SCARB2: variants seen among roughly 807,000 people sequenced by gnomAD.
The protein encoded by SCARB2 is scavenger receptor class B member 2, also known as lysosome membrane protein 2.
Under a neutral mutation model 58.6 loss-of-function variants are expected in SCARB2, and 29 were observed. The ratio of observed to expected loss-of-function variants is 0.49; its 90% CI spans 0.37 to 0.67. The LOEUF (loss-of-function observed/expected upper bound fraction) is 0.67. Ranked by LOEUF, SCARB2 falls within the 30% of genes least tolerant of loss-of-function variation. The pLI, the probability that SCARB2 is intolerant of heterozygous loss-of-function variation, is 0.00. For synonymous variants in SCARB2, 195 were observed against 210.1 expected, an observed-to-expected ratio of 0.93 and a Z score of 0.62; for missense variants, 488 against 578.5, an observed-to-expected ratio of 0.84 and a Z score of 1.60.
chr4:76,161,671 C>T lies in SCARB2; in HGVS notation c.*42G>A. The stretch of plus-strand genomic sequence containing the variant: ...GGTTTCCCCACGTCATCGTCCAGGT[C>T]AGGACAGCTCACACAGTTTCTTCAC... On this transcript the variant is annotated 3_prime_UTR_variant, in exon 12 of 12. Transcript: ENST00000264896. The T allele has an allele frequency of 1.2e-6, 2 of 1,610,898 alleles. No homozygotes were observed. The highest frequency in any genetic ancestry group is 2.2e-5 in the East Asian group (1 of 44,850).
intron 1 of SCARB2, among the ~76,000 whole-genome samples, chr4:76,219,144 A>T (rs59473442): frequency 0.54 from 82,417 of 151,934 alleles, 23,551 homozygotes; most frequent in African/African-American, 0.6. Context: ...AAAGCAGTGA[A>T]AATTGCAAAA....
At chr4:76,233,778 C>A (rs1560731552) in intron 1 of SCARB2, among the ~76,000 whole-genome samples, 2 of 152,162 alleles carry the variant, frequency 1.3e-5, no homozygotes, top group African/African-American at 2.4e-5. Flanking sequence ...CAGTTACAGG[C>A]AGTGCCCCCA....
At chr4:76,222,632 C>A (rs1452797669) in intron 1 of SCARB2, among the ~76,000 whole-genome samples, 1 of 152,184 alleles carries the variant, frequency 6.6e-6, no homozygotes, top group Admixed American at 6.5e-5. Context: ...GGGTTTTGGT[C>A]CTTCACATTC....
At chr4:76,227,087 T>C (rs1167960636) in intron 1 of SCARB2, among the ~76,000 whole-genome samples, 2 of 152,206 alleles carry the variant, frequency 1.3e-5, no homozygotes, top group African/African-American at 4.8e-5. Flanking sequence ...GGTTTGTTCT[T>C]GTTTCTCTAG....
At chr4:76,222,648 G>C (rs1733330000) in intron 1 of SCARB2, among the ~76,000 whole-genome samples, 1 of 152,202 alleles carries the variant, frequency 6.6e-6, no homozygotes, top group African/African-American at 2.4e-5. Flanking sequence ...CATTCTTTCA[G>C]AGTCAACAGC....
intron 1 of SCARB2, among the ~76,000 whole-genome samples, chr4:76,199,129 C>T (rs1732778292): frequency 6.6e-6 from 1 of 152,088 alleles, no homozygotes; most frequent in Non-Finnish European, 1.5e-5. Flanking sequence ...ACTGACACTA[C>T]AAAATAAAAA....
chr4:76,179,421 G>C, intron 4 of SCARB2, 96 bp downstream of exon 4: 1 of 911,772 alleles, frequency 1.1e-6, no homozygotes, highest in Non-Finnish European at 1.8e-6. Flanking sequence ...TTAACTCTAG[G>C]CAATTTCTAG....
intron 6 of SCARB2, 68 bp from the exon 7 acceptor site, chr4:76,174,381 G>T: frequency 7.0e-7 from 1 of 1,423,368 alleles, no homozygotes; most frequent in Non-Finnish European, 9.9e-7. Flanking sequence ...AAATCCGCAA[G>T]TTAGCAACAG....
intron 11 of SCARB2, chr4:76,162,925 T>C (rs1207775987): frequency 1.7e-6 from 1 of 579,684 alleles, no homozygotes; most frequent in Non-Finnish European, 3.1e-6. Flanking sequence ...CTGTTATATA[T>C]TCTTCCTTTT....
chr4:76,211,261 T>TA (rs1733039708), intron 1 of SCARB2, among the ~76,000 whole-genome samples: 1 of 152,240 alleles, frequency 6.6e-6, no homozygotes, highest in Non-Finnish European at 1.5e-5. Flanking sequence ...ACCCAAAGCT[T>TA]AACTTTGCGA....
chr4:76,207,696 G>T (rs1027136907), intron 1 of SCARB2, among the ~76,000 whole-genome samples: 3 of 152,130 alleles, frequency 2.0e-5, no homozygotes, highest in Non-Finnish European at 4.4e-5. Flanking sequence ...TAGTAACTTG[G>T]CCAACATCCT....
chr4:76,175,022 C>T (rs906296153), intron 6 of SCARB2: 2 of 152,916 alleles, frequency 1.3e-5, no homozygotes, highest in African/African-American at 4.8e-5. Flanking sequence ...CCTTCTGGGC[C>T]TCACTTTTTC....
chr4:76,196,604 A>G (rs926421757), intron 1 of SCARB2, among the ~76,000 whole-genome samples: 15 of 152,304 alleles, frequency 9.8e-5, no homozygotes, highest in African/African-American at 3.4e-4. Context: ...AGGGCCCAAG[A>G]AGGCCAGTTT....
chr4:76,202,283 G>A (rs895858298), intron 1 of SCARB2, among the ~76,000 whole-genome samples: 1 of 152,014 alleles, frequency 6.6e-6, no homozygotes, highest in African/African-American at 2.4e-5. Flanking sequence ...TATTTTTTGA[G>A]AGGGAGTCTC....
At chr4:76,198,708 C>T (rs1357522552) in intron 1 of SCARB2, among the ~76,000 whole-genome samples, 2 of 152,182 alleles carry the variant, frequency 1.3e-5, no homozygotes, top group Non-Finnish European at 2.9e-5. Context: ...TTACTCCCTT[C>T]AAATCTTGCC....
intron 1 of SCARB2, among the ~76,000 whole-genome samples, chr4:76,227,318 ATTAT>A (rs1252278336): frequency 2.6e-5 from 4 of 152,154 alleles, no homozygotes; most frequent in Non-Finnish European, 5.9e-5. Context: ...TCAGGAGTAG[ATTAT>A]TTAATGTCCA....
intron 1 of SCARB2, among the ~76,000 whole-genome samples, chr4:76,226,599 G>GT (rs1455147638): frequency 1.3e-5 from 2 of 152,124 alleles, no homozygotes; most frequent in African/African-American, 4.8e-5. Context: ...GCCACAAGGG[G>GT]TTTTGGACCC....
chr4:76,203,001 C>A (rs991009021), intron 1 of SCARB2, among the ~76,000 whole-genome samples: 22 of 152,056 alleles, frequency 1.4e-4, no homozygotes, highest in African/African-American at 5.3e-4. Context: ...ATTTTGTTTT[C>A]TTTTTTTGAG....
At chr4:76,162,783 A>G (rs1236788229) in intron 11 of SCARB2, 3 of 277,672 alleles carry the variant, frequency 1.1e-5, no homozygotes, top group East Asian at 8.9e-5. Context: ...TGAAAAACTC[A>G]TAAGGGAGGC....
Sources: gnomAD v4.1 joint callset for allele counts (sites outside exome capture counted in the v4.1 genomes callset) on GRCh38, gnomAD v4.1.1 for gene constraint, MANE v1.5 for transcripts, NCBI Gene and HGNC (gene_info 2026-07-23, HGNC 2026-07-21) for gene names.